SEMA3D: variants seen among roughly 807,000 people sequenced by gnomAD.
The protein encoded by SEMA3D is semaphorin-3D.
A neutral mutation model predicts 100.1 loss-of-function variants in SEMA3D; 84 were observed. The ratio of observed to expected loss-of-function variants is 0.84; its 90% CI spans 0.70 to 1.01. The LOEUF (loss-of-function observed/expected upper bound fraction) is 1.01. Ranked by LOEUF, SEMA3D falls within the 50% of genes least tolerant of loss-of-function variation. The pLI, the probability that SEMA3D is intolerant of heterozygous loss-of-function variation, is 0.00. For missense variants in SEMA3D, 875 were observed against 934.1 expected, an observed-to-expected ratio of 0.94 and a Z score of 0.82; for synonymous variants, 312 against 320.7, an observed-to-expected ratio of 0.97 and a Z score of 0.29.
chr7:85,072,961 C>A lies in SEMA3D; in HGVS notation c.495+1G>T. 6.3e-7 allele frequency: 1 copy of A among 1,593,990 alleles called. No homozygotes were observed. On this transcript the variant is annotated splice_donor_variant, in intron 6 of 18. Coordinates refer to ENST00000284136, the MANE Select transcript of SEMA3D (RefSeq NM_001384900.1). LOFTEE classifies it high-confidence loss of function. ...CTTTTCATGCTTTTTCATTATATTA[C>A]CTCCTTGTAGACTCCAAGATCAATA...
intron 2 of SEMA3D, among the ~76,000 whole-genome samples, chr7:85,150,347 A>ATATATATATATATATATATAT (rs1583970041): frequency 1.2e-4 from 2 of 16,098 alleles, no homozygotes; most frequent in Admixed American, 6.2e-4. Flanking sequence ...TTTTCTAGAA[A>ATATATATATATATATATATAT]TATATATATA....
At chr7:85,229,876 T>C in the SEMA3D span, among the ~76,000 whole-genome samples, 9 of 152,144 alleles carry the variant, frequency 5.9e-5, no homozygotes, top group Admixed American at 5.9e-4. Flanking sequence ...TTTTTGAACC[T>C]ATTTTTAAAT....
intron 15 of SEMA3D, among the ~76,000 whole-genome samples, chr7:85,015,811 A>G (rs1790081888): frequency 6.6e-6 from 1 of 151,812 alleles, no homozygotes; most frequent in Admixed American, 6.6e-5. Context: ...AAACCCAGCA[A>G]ACAAAATCAC....
At chr7:85,171,052 C>G (rs1319497629) in intron 1 of SEMA3D, among the ~76,000 whole-genome samples, 1 of 151,936 alleles carries the variant, frequency 6.6e-6, no homozygotes, top group Non-Finnish European at 1.5e-5. Flanking sequence ...CTCCAATTTT[C>G]TCAAATAATT....
At chr7:85,009,769 A>AT (rs1346949443) in intron 17 of SEMA3D, among the ~76,000 whole-genome samples, 1 of 151,834 alleles carries the variant, frequency 6.6e-6, no homozygotes, top group Non-Finnish European at 1.5e-5. Context: ...CTGAAGGTAT[A>AT]GCTCAAATGC....
At chr7:85,106,981 G>T (rs1350102592) in intron 3 of SEMA3D, among the ~76,000 whole-genome samples, 1 of 152,008 alleles carries the variant, frequency 6.6e-6, no homozygotes, top group Non-Finnish European at 1.5e-5. Context: ...GGTTTGGGTG[G>T]CAACACAGTC....
intron 2 of SEMA3D, among the ~76,000 whole-genome samples, chr7:85,135,693 A>G (rs1446149369): frequency 6.6e-6 from 1 of 150,698 alleles, no homozygotes; most frequent in African/African-American, 2.4e-5. Flanking sequence ...ACATTAAAAA[A>G]GAAAAAATTA....
At chr7:85,015,892 G>C (rs1011736851) in intron 15 of SEMA3D, among the ~76,000 whole-genome samples, 7 of 151,678 alleles carry the variant, frequency 4.6e-5, no homozygotes, top group African/African-American at 1.7e-4. Context: ...TGTGGTAGTA[G>C]CGGTGGAGGG....
chr7:85,204,760 TAGGAA>T, the SEMA3D span, among the ~76,000 whole-genome samples: 34 of 152,194 alleles, frequency 2.2e-4, no homozygotes, highest in African/African-American at 8.2e-4. Flanking sequence ...CCTCTAGCCT[TAGGAA>T]CCAGCCTTCT....
At chr7:85,021,872 A>G (rs1434064841) in intron 13 of SEMA3D, among the ~76,000 whole-genome samples, 2 of 151,826 alleles carry the variant, frequency 1.3e-5, no homozygotes, top group East Asian at 3.9e-4. Context: ...AAAAAATACA[A>G]TGGGCTTAAA....
intron 2 of SEMA3D, among the ~76,000 whole-genome samples, chr7:85,149,523 G>A (rs1216750726): frequency 6.6e-6 from 1 of 152,082 alleles, no homozygotes; most frequent in Admixed American, 6.6e-5. Context: ...CTCAAACAAT[G>A]ATGATGGTCT....
intron 2 of SEMA3D, among the ~76,000 whole-genome samples, chr7:85,152,980 T>C (rs1790471162): frequency 1.3e-5 from 2 of 152,070 alleles, no homozygotes; most frequent in South Asian, 4.1e-4. Flanking sequence ...GAGAGGTAAA[T>C]AACTATTTGC....
At chr7:85,149,530 G>A (rs1790306084) in intron 2 of SEMA3D, among the ~76,000 whole-genome samples, 1 of 152,120 alleles carries the variant, frequency 6.6e-6, no homozygotes, top group African/African-American at 2.4e-5. Context: ...AATGATGATG[G>A]TCTCATTTAT....
At chr7:85,106,418 A>G (rs1366563616) in intron 3 of SEMA3D, among the ~76,000 whole-genome samples, 1 of 152,112 alleles carries the variant, frequency 6.6e-6, no homozygotes, top group African/African-American at 2.4e-5. Context: ...CGACAATATG[A>G]CAAGACAAAT....
At chr7:85,167,396 G>A (rs966033526) in intron 1 of SEMA3D, 32 of 983,902 alleles carry the variant, frequency 3.3e-5, no homozygotes, top group Admixed American at 6.2e-5. Context: ...TAGAAGGATC[G>A]GTGGTTGTGT....
chr7:85,190,282 T>C (rs1043860736), upstream of SEMA3D, among the ~76,000 whole-genome samples: 5 of 152,172 alleles, frequency 3.3e-5, no homozygotes, highest in Non-Finnish European at 5.9e-5. Context: ...AAGCATGTCA[T>C]TTTAATGTTT....
intron 7 of SEMA3D, among the ~76,000 whole-genome samples, chr7:85,067,964 G>T (rs1031333521): frequency 1.3e-5 from 2 of 152,086 alleles, no homozygotes; most frequent in Non-Finnish European, 2.9e-5. Flanking sequence ...TATTCAATCA[G>T]AAGTTAATTT....
intron 8 of SEMA3D, among the ~76,000 whole-genome samples, chr7:85,056,873 A>G (rs1021780754): frequency 3.8e-5 from 5 of 132,888 alleles, no homozygotes; most frequent in Admixed American, 8.4e-5. Context: ...TGAAATTTAT[A>G]TAGCATACAT....
chr7:85,215,347 G>A, the SEMA3D span, among the ~76,000 whole-genome samples: 1 of 152,054 alleles, frequency 6.6e-6, no homozygotes, highest in Non-Finnish European at 1.5e-5. Flanking sequence ...TAGAAATAAT[G>A]AAACTAAGAC....
Sources: allele counts gnomAD v4.1 joint callset (sites outside exome capture counted in the v4.1 genomes callset), GRCh38; gene constraint gnomAD v4.1.1; transcripts MANE v1.5; gene names NCBI Gene and HGNC (gene_info 2026-07-23, HGNC 2026-07-21).